Variants in RASGRP1 observed in about 807,000 individuals in gnomAD.
RASGRP1 encodes RAS guanyl releasing protein 1, also known as RAS guanyl-releasing protein 1.
In RASGRP1, 37 loss-of-function variants were observed where a neutral mutation model predicts 95.1. The observed-to-expected ratio is 0.39, with a 90% CI of 0.30 to 0.51. The LOEUF is 0.51. Among genes scored for constraint, RASGRP1 ranks in the 20% least tolerant of loss-of-function variants. The pLI, the probability that RASGRP1 is intolerant of heterozygous loss-of-function variation, is 0.80. For synonymous variants in RASGRP1, 325 were observed against 353.4 expected, an observed-to-expected ratio of 0.92 and a Z score of 0.90; for missense variants, 711 against 965.4, an observed-to-expected ratio of 0.74 and a Z score of 3.49.
chr15:38,505,655 T>A lies in RASGRP1; in HGVS notation c.1323+185A>T, dbSNP rs76348609. Among the ~76,000 whole-genome samples, 54 of 152,338 alleles carry A rather than the reference T, an allele frequency of 3.5e-4. No individual in the cohort carries two copies. In the East Asian group the frequency reaches 9.4e-3, roughly 27 times the overall value. On this transcript the variant is annotated intron_variant, in intron 10 of 16. Transcript: ENST00000310803. ...CTTCAACTATATCACAGCTTTTTAA[T>A]GGACAGGAACTATTCCTCAGACATA...
chr15:38,556,361 C>T (rs1037253285), intron 2 of RASGRP1, among the ~76,000 whole-genome samples: 1 of 152,156 alleles, frequency 6.6e-6, no homozygotes, highest in African/African-American at 2.4e-5. Context: ...TATGTACTAG[C>T]CACTGCCCTT....
intron 6 of RASGRP1, 53 bp from the exon 7 acceptor site, chr15:38,513,009 G>C: frequency 7.1e-7 from 1 of 1,405,448 alleles, no homozygotes; most frequent in East Asian, 2.7e-5. Context: ...ACTGTACTCT[G>C]GTATTCCAGA....
chr15:38,494,627 C>G lies in RASGRP1; in HGVS notation c.2014G>C (p.Ala672Pro). 3 of 1,558,422 alleles carry G rather than the reference C, an allele frequency of 1.9e-6. No homozygotes were observed. Among genetic ancestry groups the G allele is most frequent in the Non-Finnish European group, 2.6e-6 (3 of 1,157,684 alleles). ...LRLKRAVAHKATQTESQPWIG... is the reference protein window; with the variant it reads ...LRLKRAVAHKPTQTESQPWIG... ...CAAGGCTGTGATTCAGTCTGGGTGG[C>G]CTTGTGGGCAACAGCCCTCTTCAGC... Residue 672 changes from alanine to proline, a missense_variant, in exon 16 of 17, where the codon GCC becomes CCC. This residue lies in a region of RASGRP1 where 212 missense variants were observed against 247.8 expected (regional missense o/e 0.86). Coordinates refer to ENST00000310803, the MANE Select transcript of RASGRP1 (RefSeq NM_005739.4).
chr15:38,537,132 G>C (rs565992599), intron 2 of RASGRP1, among the ~76,000 whole-genome samples: 5 of 152,026 alleles, frequency 3.3e-5, no homozygotes, highest in Non-Finnish European at 5.9e-5. Context: ...ACTACTCAAG[G>C]AGTGGCTGTC....
intron 6 of RASGRP1, among the ~76,000 whole-genome samples, chr15:38,513,661 CA>C (rs1891637045): frequency 6.6e-6 from 1 of 152,180 alleles, no homozygotes; most frequent in South Asian, 2.1e-4. Flanking sequence ...GGCAATGAAA[CA>C]ACATGTGTAA....
At chr15:38,542,882 TACACATATATGTGTATATATATAC>T (rs988417617) in intron 2 of RASGRP1, among the ~76,000 whole-genome samples, 1 of 134,622 alleles carries the variant, frequency 7.4e-6, no homozygotes, top group Non-Finnish European at 1.5e-5. Context: ...TGTATATATA[TACACATATATGTGTATATATATAC>T]ACATATATAT....
At chr15:38,497,569 A>G (rs1301311015) in intron 15 of RASGRP1, among the ~76,000 whole-genome samples, 1 of 152,186 alleles carries the variant, frequency 6.6e-6, no homozygotes, top group Non-Finnish European at 1.5e-5. Context: ...GCCCCAGTAC[A>G]GCGATCTCTC....
chr15:38,500,290 T>G (rs565577515), intron 13 of RASGRP1, among the ~76,000 whole-genome samples, 151 bp from the exon 14 acceptor site: 1 of 152,308 alleles, frequency 6.6e-6, no homozygotes, highest in East Asian at 1.9e-4. Flanking sequence ...CCTTCTGACC[T>G]TAAATCCATG....
chr15:38,525,603 A>T (rs1892187248), intron 3 of RASGRP1, among the ~76,000 whole-genome samples: 1 of 152,024 alleles, frequency 6.6e-6, no homozygotes, highest in Admixed American at 6.6e-5. Context: ...AAACGCGGGG[A>T]ATTAGGAGAG....
intron 8 of RASGRP1, among the ~76,000 whole-genome samples, chr15:38,509,532 G>A (rs1891411867): frequency 6.6e-6 from 1 of 152,132 alleles, no homozygotes; most frequent in South Asian, 2.1e-4. Flanking sequence ...TTCAAGACCA[G>A]CCTGGCTAAC....
chr15:38,511,516 TG>T, intron 8 of RASGRP1, 87 bp downstream of exon 8: 2 of 997,068 alleles, frequency 2.0e-6, no homozygotes, highest in Non-Finnish European at 3.1e-6. Flanking sequence ...TGGTTGGAAA[TG>T]CTCTCTGGGC....
At chr15:38,550,571 G>A (rs568689541) in intron 2 of RASGRP1, among the ~76,000 whole-genome samples, 79 of 152,200 alleles carry the variant, frequency 5.2e-4, no homozygotes, top group Admixed American at 2.4e-3. Flanking sequence ...TATTTGAAGG[G>A]ACTAAGCAGA....
chr15:38,535,580 G>A (rs1042802362), intron 2 of RASGRP1, among the ~76,000 whole-genome samples: 9 of 152,104 alleles, frequency 5.9e-5, no homozygotes, highest in Admixed American at 3.3e-4. Flanking sequence ...CAGTGCCTGC[G>A]CTGGTCCATC....
chr15:38,498,754 A>G (rs778687669), intron 15 of RASGRP1, 40 bp downstream of exon 15: 1 of 1,597,842 alleles, frequency 6.3e-7, no homozygotes, highest in South Asian at 1.1e-5. Flanking sequence ...TTCCCTTCCT[A>G]CTTCACTTTC....
In RASGRP1 at chr15:38,489,542, A is replaced by G. The variant is rs1890486940; in HGVS notation, c.*1012T>C. The G allele has an allele frequency of 6.6e-6, 1 of 152,544 alleles. No homozygotes were observed. The highest frequency in any genetic ancestry group is 1.5e-5 in the Non-Finnish European group (1 of 67,938). The allele number at this position is 152,544 out of a possible 1,614,324, so 9.4% of individuals were successfully genotyped here. On this transcript the variant is annotated 3_prime_UTR_variant, in exon 17 of 17. Transcript: ENST00000310803. ...CACATGCATGCCTGATATTGTATAT[A>G]CATATTATATACATATGTACACACA...
chr15:38,516,080 A>G (rs1891770098), intron 6 of RASGRP1, 117 bp downstream of exon 6: 1 of 1,202,896 alleles, frequency 8.3e-7, no homozygotes, highest in Non-Finnish European at 1.2e-6. Context: ...CTGGCAGGAA[A>G]GCCTGCCACG....
chr15:38,493,859 G>A (rs1268363470), intron 16 of RASGRP1, among the ~76,000 whole-genome samples: 1 of 152,164 alleles, frequency 6.6e-6, no homozygotes, highest in Non-Finnish European at 1.5e-5. Flanking sequence ...GTTGCTATAG[G>A]ACTAAGATCA....
chr15:38,529,849 C>T (rs547720945), intron 2 of RASGRP1, among the ~76,000 whole-genome samples: 1 of 152,188 alleles, frequency 6.6e-6, no homozygotes, highest in Non-Finnish European at 1.5e-5. Flanking sequence ...GTAATATACA[C>T]ATTTATCTTC....
In RASGRP1 at chr15:38,488,659, T is replaced by G. The variant is rs1338225928; in HGVS notation, c.*1895A>C. On this transcript the variant is annotated 3_prime_UTR_variant, in exon 17 of 17. Transcript: ENST00000310803. ...TAAAAACTAACTGGGGATCTTTACT[T>G]CGAATGGAGAGGAGGAAGAATGAAA... 1 of 151,892 alleles carries G rather than the reference T, an allele frequency of 6.6e-6. No individual in the cohort carries two copies. Among genetic ancestry groups the G allele is most frequent in the African/African-American group, 2.4e-5 (1 of 41,396 alleles). The allele number at this position is 151,892 out of a possible 1,614,324, so 9.4% of individuals were successfully genotyped here.
Sources: gnomAD v4.1 joint callset for allele counts (sites outside exome capture counted in the v4.1 genomes callset) on GRCh38, gnomAD v4.1.1 for gene constraint, gnomAD v4.1.1 regional missense constraint, MANE v1.5 for transcripts, NCBI Gene and HGNC (gene_info 2026-07-23, HGNC 2026-07-21) for gene names.